ZNF609: variants seen among roughly 807,000 people sequenced by gnomAD.
ZNF609 encodes the protein zinc finger protein 609.
A neutral mutation model predicts 109.5 loss-of-function variants in ZNF609; 11 were observed. The observed-to-expected ratio is 0.10, with a 90% CI of 0.06 to 0.17. The LOEUF (loss-of-function observed/expected upper bound fraction) is 0.17. ZNF609 is among the 10% of genes least tolerant of loss of function. The probability of loss-of-function intolerance (pLI) is 1.00; values close to 1 mark genes in which losing one functional copy is unlikely to be tolerated. For missense variants in ZNF609, 1,559 were observed against 1,772.4 expected (o/e 0.88, Z 2.16); for synonymous variants, 646 against 662.0 (o/e 0.98, Z 0.37).
chr15:64,465,363 GTTGTTTAT>G lies in ZNF609; in HGVS notation c.-128+4532_-128+4539del, dbSNP rs1471810622. Reference sequence around the variant, plus strand: ...CCCACATGAAGTTTGCATCTCTTCGGTTGTTTATTTGTTTGTTTGTTTGTTTTTCTTTT... The same window carrying G: ...CCCACATGAAGTTTGCATCTCTTCGGTTGTTTGTTTGTTTGTTTTTCTTTT... On this transcript the variant is annotated intron_variant, in intron 1 of 9. Coordinates refer to ENST00000326648, the MANE Select transcript of ZNF609 (RefSeq NM_015042.2). 3.4e-5 allele frequency among the ~76,000 whole-genome samples: 5 copies of G among 147,354 alleles called. No homozygotes were observed. The East Asian group carries it at 2.0e-3, about 58-fold the overall frequency.
At chr15:64,575,956 G>C (rs1206225829) in intron 2 of ZNF609, among the ~76,000 whole-genome samples, 1 of 152,102 alleles carries the variant, frequency 6.6e-6, no homozygotes, top group African/African-American at 2.4e-5. Context: ...CAAAAAATTA[G>C]TCAGGCGCGG....
intron 2 of ZNF609, among the ~76,000 whole-genome samples, chr15:64,564,614 T>C (rs1894744448): frequency 6.7e-6 from 1 of 150,068 alleles, no homozygotes. Context: ...TTTGTGGGGT[T>C]TTTTTTTTGT....
chr15:64,529,511 C>T, intron 2 of ZNF609: 1 of 1,146,472 alleles, frequency 8.7e-7, no homozygotes, highest in South Asian at 1.2e-5. Context: ...TGGAATTTGC[C>T]ATGTGTAGAA....
chr15:64,481,050 G>C (rs901968920), intron 1 of ZNF609, among the ~76,000 whole-genome samples: 1 of 152,172 alleles, frequency 6.6e-6, no homozygotes, highest in Admixed American at 6.5e-5. Flanking sequence ...ATTATACCGT[G>C]ATTAAGTTCA....
chr15:64,604,324 C>T (rs1425201366), intron 2 of ZNF609, among the ~76,000 whole-genome samples: 2 of 152,064 alleles, frequency 1.3e-5, no homozygotes, highest in Non-Finnish European at 2.9e-5. Context: ...CTTTTTCCCC[C>T]AATAGAGTTG....
chr15:64,649,876 ATTTTTAATATTTT>A (rs1036541305), intron 3 of ZNF609, among the ~76,000 whole-genome samples: 1 of 152,154 alleles, frequency 6.6e-6, no homozygotes, highest in African/African-American at 2.4e-5. Flanking sequence ...TCAAAGTATA[ATTTTTAATATTTT>A]TAAAATACTT....
intron 2 of ZNF609, among the ~76,000 whole-genome samples, chr15:64,576,982 G>GTATATATACACATAAATATATATATA (rs1257610288): frequency 2.5e-5 from 3 of 122,448 alleles, no homozygotes; most frequent in East Asian, 2.2e-4. Context: ...ATATATATAT[G>GTATATATACACATAAATATATATATA]TATGTATACA....
chr15:64,460,082 G>T (rs1202332824), upstream of ZNF609, among the ~76,000 whole-genome samples: 19 of 152,214 alleles, frequency 1.2e-4, no homozygotes, highest in Non-Finnish European at 4.4e-5. Context: ...AAAAAATTAG[G>T]AGGTTGGTAC....
At chr15:64,680,520 G>T (rs996824284) in intron 7 of ZNF609, 126 bp from the exon 8 acceptor site, 2 of 1,266,430 alleles carry the variant, frequency 1.6e-6, no homozygotes, top group Admixed American at 2.1e-5. Context: ...TAGGTATCTT[G>T]CACTTTTAGG....
chr15:64,664,230 AAATAAT>A (rs1167676687), intron 3 of ZNF609, among the ~76,000 whole-genome samples: 2 of 151,956 alleles, frequency 1.3e-5, no homozygotes, highest in South Asian at 2.1e-4. Flanking sequence ...TCTGTCTCAA[AAATAAT>A]AATAATAATA....
rs562837417 is a variant in ZNF609, at chr15:64,585,986, C to T, written c.748-36841C>T. On this transcript the variant is annotated intron_variant, in intron 2 of 9. Coordinates refer to ENST00000326648, the MANE Select transcript of ZNF609 (RefSeq NM_015042.2). ...TCAGCCTCCCGAGTAGCAGGGACCA[C>T]AGACATGTGACACCATACCTGGCTA... Among the ~76,000 whole-genome samples, 11 of 152,246 alleles carry T rather than the reference C, an allele frequency of 7.2e-5. No individual in the cohort carries two copies. The East Asian group carries it at 1.7e-3, about 24-fold the overall frequency.
intron 1 of ZNF609, among the ~76,000 whole-genome samples, chr15:64,464,029 T>A (rs1013228230): frequency 2.0e-5 from 3 of 152,066 alleles, no homozygotes; most frequent in Non-Finnish European, 4.4e-5. Flanking sequence ...GTGCTTTGGA[T>A]TCCCCCCCAA....
At chr15:64,579,500 CAG>C (rs1184396016) in intron 2 of ZNF609, among the ~76,000 whole-genome samples, 4 of 151,548 alleles carry the variant, frequency 2.6e-5, no homozygotes, top group Middle Eastern at 3.4e-3. Flanking sequence ...CATTTGAAGT[CAG>C]GGGTTCGATA....
chr15:64,650,898 G>GC, intron 3 of ZNF609, among the ~76,000 whole-genome samples: 1 of 148,696 alleles, frequency 6.7e-6, no homozygotes, highest in South Asian at 2.2e-4. Flanking sequence ...GGGTGGGGGG[G>GC]GGATCCTTTG....
chr15:64,664,301 C>T (rs1896617800), intron 3 of ZNF609, among the ~76,000 whole-genome samples: 1 of 152,092 alleles, frequency 6.6e-6, no homozygotes, highest in South Asian at 2.1e-4. Flanking sequence ...CTTTACTCTG[C>T]TCCAATATTT....
intron 1 of ZNF609, among the ~76,000 whole-genome samples, chr15:64,474,814 T>TA (rs1372885750): frequency 1.3e-5 from 2 of 152,166 alleles, no homozygotes; most frequent in Non-Finnish European, 2.9e-5. Context: ...CCTTTAAAAT[T>TA]ACAATTTTGA....
chr15:64,490,742 C>T (rs1316873739), intron 1 of ZNF609, among the ~76,000 whole-genome samples: 3 of 152,168 alleles, frequency 2.0e-5, no homozygotes, highest in Non-Finnish European at 4.4e-5. Flanking sequence ...ACCATTTAGC[C>T]TATTGTGAGA....
intron 2 of ZNF609, among the ~76,000 whole-genome samples, chr15:64,538,404 G>C (rs1320929645): frequency 6.6e-6 from 1 of 152,160 alleles, no homozygotes; most frequent in African/African-American, 2.4e-5. Flanking sequence ...TTAGTTTATA[G>C]ACTGGTTTAT....
At chr15:64,575,671 T>G (rs1482905703) in intron 2 of ZNF609, among the ~76,000 whole-genome samples, 3 of 151,590 alleles carry the variant, frequency 2.0e-5, no homozygotes, top group Non-Finnish European at 4.4e-5. Flanking sequence ...CCAGGTAGTA[T>G]TTGTATATTT....
Sources: gnomAD v4.1 joint callset for allele counts (sites outside exome capture counted in the v4.1 genomes callset) on GRCh38, gnomAD v4.1.1 for gene constraint, MANE v1.5 for transcripts, NCBI Gene and HGNC (gene_info 2026-07-23, HGNC 2026-07-21) for gene names.